PDE4C: variants seen among roughly 807,000 people sequenced by gnomAD.
PDE4C encodes phosphodiesterase 4C, also known as 3',5'-cyclic-AMP phosphodiesterase 4C.
Under a neutral mutation model 63.9 loss-of-function variants are expected in PDE4C, and 50 were observed. That is an observed-to-expected ratio of 0.78 (90% CI 0.62 to 0.99). The LOEUF (loss-of-function observed/expected upper bound fraction) is 0.99. PDE4C is among the 50% of genes least tolerant of loss of function. The pLI, the probability that PDE4C is intolerant of heterozygous loss-of-function variation, is 0.00. For synonymous variants in PDE4C, 377 were observed against 385.1 expected (o/e 0.98, Z 0.25); for missense variants, 777 against 899.1 (o/e 0.86, Z 1.74).
chr19:18,238,990 CAAAA>C (rs113472618), intron 1 of PDE4C, among the ~76,000 whole-genome samples: 1 of 96,962 alleles, frequency 1.0e-5, no homozygotes. Context: ...GACCCTGTCT[CAAAA>C]AAAAAAAAAA....
exon 15 of PDE4C, chr19:18,210,750 C>T: frequency 9.0e-7 from 1 of 1,110,310 alleles, no homozygotes; most frequent in Non-Finnish European, 1.2e-6. Flanking sequence ...AGAGTGGACC[C>T]CAGCCAGGTG....
Position 18,220,508 on chromosome 19 carries a change from C to G in PDE4C, c.507G>C (p.Thr169=), listed in dbSNP as rs781110726. 2.5e-6 allele frequency: 4 copies of G among 1,613,274 alleles called. No individual in the cohort carries two copies. The highest frequency in any genetic ancestry group is 1.1e-5 in the South Asian group (1 of 91,006). Residue 169 remains threonine, a synonymous_variant, in exon 6 of 15, where the codon ACG becomes ACC. Transcript: ENST00000262805. This position sits in a 1 kb window ranked among gnomAD's most constrained non-coding sequence, Gnocchi z 5.1. ...GCGTCTCCAATGCCAGCTTCTGCCC[C>G]GTGTCCTCTGGGAGCCGAGGCAGTC...
At chr19:18,253,746 C>G in the PDE4C span, among the ~76,000 whole-genome samples, 2 of 152,164 alleles carry the variant, frequency 1.3e-5, no homozygotes, top group Non-Finnish European at 2.9e-5. Flanking sequence ...ACCCACCCTT[C>G]TACGTGTTGG....
Position 18,213,502 on chromosome 19 carries a change from C to T in PDE4C, c.1390-12G>A, listed in dbSNP as rs1046568110. 1.2e-6 allele frequency: 2 copies of T among 1,608,780 alleles called. No individual in the cohort carries two copies. Among genetic ancestry groups the T allele is most frequent in the African/African-American group, 2.7e-5 (2 of 74,754 alleles). On this transcript the variant is annotated splice_polypyrimidine_tract_variant and intron_variant, in intron 12 of 14. Transcript: ENST00000262805. ...TCTGTGGCCAGCACCTGGGGGCAGG[C>T]AAGGGAAGGTGACAGGCGCGAGGAC...
intron 1 of PDE4C, among the ~76,000 whole-genome samples, chr19:18,245,089 C>G (rs1969107344): frequency 6.6e-6 from 1 of 152,108 alleles, no homozygotes; most frequent in African/African-American, 2.4e-5. Flanking sequence ...CCAGTTGTGG[C>G]CTCCCAAAGT....
upstream of PDE4C, among the ~76,000 whole-genome samples, chr19:18,231,089 G>C (rs573750987): frequency 1.3e-5 from 2 of 152,206 alleles, no homozygotes; most frequent in Admixed American, 6.5e-5. Flanking sequence ...CCGAGGCTCC[G>C]GGAGGCACCA....
chr19:18,252,481 A>AAAACATCATTGG (rs113381047), upstream of PDE4C: 13,675 of 398,992 alleles, frequency 0.034, 1,631 homozygotes, highest in African/African-American at 0.25. Flanking sequence ...TCTGGAAAGA[A>AAAACATCATTGG]AAACTGGGCG....
At chr19:18,217,014 A>G (rs1202775130) in intron 11 of PDE4C, 119 bp from the exon 12 acceptor site, 7 of 1,126,296 alleles carry the variant, frequency 6.2e-6, no homozygotes, top group Non-Finnish European at 7.5e-6. Context: ...CAACTCTAGC[A>G]TGCCCTCCTG....
chr19:18,235,323 A>C (rs1968932309), upstream of PDE4C, among the ~76,000 whole-genome samples: 1 of 152,152 alleles, frequency 6.6e-6, no homozygotes, highest in East Asian at 1.9e-4. Flanking sequence ...AGCACCCGCC[A>C]CCACACCCAG....
chr19:18,227,718 C>G (rs746191340), upstream of PDE4C, among the ~76,000 whole-genome samples: 1 of 152,178 alleles, frequency 6.6e-6, no homozygotes, highest in Non-Finnish European at 1.5e-5. Context: ...GAGGCCTGAC[C>G]GTGCCCCTTG....
intron 1 of PDE4C, among the ~76,000 whole-genome samples, chr19:18,247,023 G>T (rs1377027181): frequency 1.3e-5 from 2 of 152,212 alleles, no homozygotes; most frequent in African/African-American, 2.4e-5. Flanking sequence ...GCCCCCGCAG[G>T]GTTTTCCTCT....
chr19:18,220,427 C>G lies in PDE4C; in HGVS notation c.588G>C (p.Ser196=), dbSNP rs748887968. ...CCTTGTTGGAGGCCATCTCCCCCAC[C>G]GAGTGCCGGGTCTGCAGCGTCTCCA... The change falls in exon 6 of 15, where the codon TCG becomes TCC. Residue 196 remains serine, a synonymous_variant. Coordinates refer to ENST00000262805, the Ensembl canonical transcript of PDE4C. This position sits in a 1 kb window ranked among gnomAD's most constrained non-coding sequence, Gnocchi z 5.1. The G allele has an allele frequency of 6.2e-7, 1 of 1,614,196 alleles. No homozygotes were observed. Among genetic ancestry groups the G allele is most frequent in the Admixed American group, 1.7e-5 (1 of 60,020 alleles).
intron 7 of PDE4C, chr19:18,219,661 T>C (rs979438142): frequency 1.0e-5 from 4 of 395,658 alleles, no homozygotes; most frequent in Non-Finnish European, 1.8e-5. Context: ...CCATCGCTAC[T>C]AAAAATACAA....
At chr19:18,250,477 G>A (rs983502849), upstream of PDE4C, 11 of 398,922 alleles carry the variant, frequency 2.8e-5, 1 homozygote, top group Non-Finnish European at 4.9e-5. Flanking sequence ...CTGGAGCTGG[G>A]GAAAGGAACT....
Position 18,220,780 on chromosome 19 carries a change from C to A in PDE4C, c.499+94G>T, listed in dbSNP as rs1416955166. 1.6e-6 allele frequency: 2 copies of A among 1,237,894 alleles called. No homozygotes were observed. The highest frequency in any genetic ancestry group is 2.4e-5 in the East Asian group (1 of 42,066). The allele number at this position is 1,237,894 out of a possible 1,614,324, so 76.7% of individuals were successfully genotyped here. A position where few individuals can be genotyped will look rare whatever the true frequency, so the allele number is the denominator to read the frequency against. On this transcript the variant is annotated intron_variant, in intron 5 of 14. Transcript: ENST00000262805. This position sits in a 1 kb window ranked among gnomAD's most constrained non-coding sequence, Gnocchi z 5.1. ...TTTGCAGGGGCGGGGCTACAATTAG[C>A]CCCAGTATAAGGGGCTCATGGACTG...
upstream of PDE4C, among the ~76,000 whole-genome samples, chr19:18,230,913 C>T (rs1427260525): frequency 1.3e-5 from 2 of 152,174 alleles, no homozygotes; most frequent in Admixed American, 6.6e-5. Flanking sequence ...TGCTTAAATG[C>T]CTTCTCAACA....
chr19:18,251,775 A>G (rs1397338754), upstream of PDE4C, among the ~76,000 whole-genome samples: 3 of 137,606 alleles, frequency 2.2e-5, no homozygotes, highest in Admixed American at 8.0e-5. Flanking sequence ...TTTTGTAGAG[A>G]CAAAGTCCTG....
At chr19:18,219,142 C>A in intron 8 of PDE4C, 92 bp downstream of exon 8, 1 of 1,590,356 alleles carries the variant, frequency 6.3e-7, no homozygotes, top group Non-Finnish European at 8.6e-7. Flanking sequence ...CCCAACTGCC[C>A]AGTATATAGG....
the PDE4C span, among the ~76,000 whole-genome samples, chr19:18,254,411 T>C: frequency 6.6e-6 from 1 of 152,170 alleles, no homozygotes; most frequent in African/African-American, 2.4e-5. Context: ...TGCTGAAGGG[T>C]TGACCAGAAG....
Sources: gnomAD v4.1 joint callset for allele counts (sites outside exome capture counted in the v4.1 genomes callset) on GRCh38, gnomAD v4.1.1 for gene constraint, Gnocchi (gnomAD v3.1) non-coding constraint, MANE v1.5 for transcripts, NCBI Gene and HGNC (gene_info 2026-07-23, HGNC 2026-07-21) for gene names.